Variants in SLC2A13 observed in about 807,000 individuals in gnomAD.
SLC2A13 encodes proton myo-inositol cotransporter.
SLC2A13 carries 32 observed loss-of-function variants against 64.4 expected under a neutral mutation model. The ratio of observed to expected loss-of-function variants is 0.50; its 90% CI spans 0.37 to 0.67. The LOEUF (loss-of-function observed/expected upper bound fraction) is 0.67, where lower values mean the gene tolerates loss of function less well. Ranked by LOEUF, SLC2A13 falls within the 30% of genes least tolerant of loss-of-function variation. The probability of loss-of-function intolerance (pLI) is 0.00; values close to 1 mark genes in which losing one functional copy is unlikely to be tolerated. For synonymous variants in SLC2A13, 338 were observed against 327.1 expected (o/e 1.03, Z -0.36); for missense variants, 743 against 829.2 (o/e 0.90, Z 1.28).
chr12:39,879,292 C>G (rs576625591), intron 4 of SLC2A13, among the ~76,000 whole-genome samples: 4 of 152,312 alleles, frequency 2.6e-5, no homozygotes, highest in African/African-American at 9.6e-5. Flanking sequence ...TCCCCTATTG[C>G]CTAGTGGAGC....
chr12:39,914,569 T>C (rs1293019453), intron 4 of SLC2A13, among the ~76,000 whole-genome samples: 1 of 151,944 alleles, frequency 6.6e-6, no homozygotes, highest in Non-Finnish European at 1.5e-5. Flanking sequence ...AGCTACAAGT[T>C]ATAATCAAAC....
chr12:39,963,530 G>C (rs958036985), intron 3 of SLC2A13, among the ~76,000 whole-genome samples: 3 of 152,066 alleles, frequency 2.0e-5, no homozygotes, highest in Non-Finnish European at 4.4e-5. Flanking sequence ...CATAATAAAT[G>C]ACAGTTCTAT....
chr12:39,760,286 A>G (rs1940086375), intron 9 of SLC2A13, 34 bp from the exon 10 acceptor site: 1 of 1,552,752 alleles, frequency 6.4e-7, no homozygotes, highest in Admixed American at 1.8e-5. Flanking sequence ...ATGAATATGA[A>G]TATATAGAGA....
chr12:39,989,804 C>A (rs1284315649), intron 3 of SLC2A13, among the ~76,000 whole-genome samples: 1 of 152,142 alleles, frequency 6.6e-6, no homozygotes, highest in South Asian at 2.1e-4. Flanking sequence ...TCCCCATGAT[C>A]CAGAAGAGGA....
chr12:39,850,587 G>A (rs142885585), intron 6 of SLC2A13, among the ~76,000 whole-genome samples: 1 of 152,088 alleles, frequency 6.6e-6, no homozygotes, highest in Admixed American at 6.6e-5. Flanking sequence ...AATTGTATCT[G>A]TGCCAACATT....
At chr12:40,040,718 G>A (rs1027902322) in intron 2 of SLC2A13, among the ~76,000 whole-genome samples, 1 of 152,120 alleles carries the variant, frequency 6.6e-6, no homozygotes, top group Non-Finnish European at 1.5e-5. Flanking sequence ...GAGACTGTTT[G>A]CCACCAATTA....
rs150526480 is a variant in SLC2A13 at position 39,762,801 on chromosome 12, A to G, written c.1720+1659T>C. Among the ~76,000 whole-genome samples the G allele has an allele frequency of 1.9e-4, 29 of 152,214 alleles. No individual in the cohort carries two copies. In the East Asian group the frequency reaches 5.4e-3, roughly 29 times the overall value. ...TTTTTCTACTACTAGAGAGTAGTAG[A>G]CCAAATGGACCAGTGCTCTGACATG... On this transcript the variant is annotated intron_variant, in intron 9 of 9. Coordinates refer to ENST00000280871, the MANE Select transcript of SLC2A13 (RefSeq NM_052885.4).
At chr12:39,907,862 C>G (rs937865572) in intron 4 of SLC2A13, 4 of 152,134 alleles carry the variant, frequency 2.6e-5, no homozygotes, top group Non-Finnish European at 4.4e-5. Flanking sequence ...CCCCTGGGTA[C>G]TGGAAAGAGA....
At chr12:40,087,483 T>C (rs1182576555) in intron 1 of SLC2A13, among the ~76,000 whole-genome samples, 1 of 152,212 alleles carries the variant, frequency 6.6e-6, no homozygotes, top group Non-Finnish European at 1.5e-5. Flanking sequence ...GGCTTTCAAA[T>C]AACCTTTTTC....
chr12:40,079,986 C>G (rs1006820796), intron 1 of SLC2A13, among the ~76,000 whole-genome samples: 1 of 152,110 alleles, frequency 6.6e-6, no homozygotes. Context: ...GCCTCAGCCT[C>G]CCAAGTAGCT....
chr12:39,896,007 CATGTGTATATGTATACATACATGCAT>C (rs1944815678), intron 4 of SLC2A13, among the ~76,000 whole-genome samples: 3 of 133,642 alleles, frequency 2.2e-5, no homozygotes, highest in African/African-American at 8.7e-5. Context: ...TGTATATATA[CATGTGTATATGTATACATACATGCAT>C]ATGTTTATAT....
At chr12:39,835,375 A>G (rs903314121) in intron 6 of SLC2A13, among the ~76,000 whole-genome samples, 1 of 152,150 alleles carries the variant, frequency 6.6e-6, no homozygotes, top group Non-Finnish European at 1.5e-5. Flanking sequence ...GCAACTTCTC[A>G]CAAACATTTA....
intron 1 of SLC2A13, among the ~76,000 whole-genome samples, chr12:40,066,256 G>A (rs894611383): frequency 2.6e-5 from 4 of 152,136 alleles, no homozygotes; most frequent in African/African-American, 9.7e-5. Context: ...AAACTGTACT[G>A]AGTATAACAT....
rs776903186 is a variant in SLC2A13 at position 39,960,896 on chromosome 12, C to T, written c.926-9531G>A. On this transcript the variant is annotated intron_variant, in intron 3 of 9. Transcript: ENST00000280871. Reference sequence around the variant, plus strand: ...TCGAGTGGCTGAGATTACAGGCGCTCGCCACCACAGCTGGCAAAATTTTGT... The same window carrying T: ...TCGAGTGGCTGAGATTACAGGCGCTTGCCACCACAGCTGGCAAAATTTTGT... Among the ~76,000 whole-genome samples the T allele has an allele frequency of 7.4e-4, 111 of 150,502 alleles. No homozygotes were observed. The Middle Eastern group carries it at 0.017, about 24-fold the overall frequency.
At chr12:39,793,040 A>T (rs1024347166) in intron 7 of SLC2A13, among the ~76,000 whole-genome samples, 1 of 152,288 alleles carries the variant, frequency 6.6e-6, no homozygotes, top group East Asian at 1.9e-4. Context: ...TCATAAAGAT[A>T]TAAAACTATA....
At chr12:40,059,705 G>T (rs1041576756) in intron 1 of SLC2A13, among the ~76,000 whole-genome samples, 4 of 152,084 alleles carry the variant, frequency 2.6e-5, no homozygotes, top group African/African-American at 4.8e-5. Flanking sequence ...CATTGAAAAG[G>T]CATGATTGAA....
Position 39,758,136 on chromosome 12 carries a change from A to ATTG in SLC2A13, c.*1887_*1889dup, listed in dbSNP as rs1160140381. The ATTG allele has an allele frequency of 6.6e-6, 1 of 151,628 alleles. No individual in the cohort carries two copies. The highest frequency in any genetic ancestry group is 6.6e-5 in the Admixed American group (1 of 15,208). The allele number at this position is 151,628 out of a possible 1,614,324, so 9.4% of individuals were successfully genotyped here. A position where few individuals can be genotyped will look rare whatever the true frequency, so the allele number is the denominator to read the frequency against. On this transcript the variant is annotated 3_prime_UTR_variant, in exon 10 of 10. Coordinates refer to ENST00000280871, the MANE Select transcript of SLC2A13 (RefSeq NM_052885.4). ...AATACTAATATTCCCTTGGAAATCA[A>ATTG]TTGTTAAAGCACCTAATTCAAGGAA... is the stretch of plus-strand genomic sequence containing the variant.
intron 4 of SLC2A13, among the ~76,000 whole-genome samples, chr12:39,930,500 C>T (rs1178099670): frequency 6.6e-6 from 1 of 152,122 alleles, no homozygotes; most frequent in African/African-American, 2.4e-5. Context: ...AGAAGCATTT[C>T]ATCTTCCATA....
intron 9 of SLC2A13, 48 bp downstream of exon 9, chr12:39,764,412 A>T: frequency 7.0e-7 from 1 of 1,428,454 alleles, no homozygotes; most frequent in Non-Finnish European, 9.4e-7. Context: ...ATCTAAAAAT[A>T]GTGATAAAAA....
Sources: gnomAD v4.1 joint callset for allele counts (sites outside exome capture counted in the v4.1 genomes callset) on GRCh38, gnomAD v4.1.1 for gene constraint, MANE v1.5 for transcripts, NCBI Gene and HGNC (gene_info 2026-07-23, HGNC 2026-07-21) for gene names.